The following TMEM9 variants were observed in gnomAD, a reference collection of about 807,000 sequenced individuals.
TMEM9 encodes proton-transporting V-type ATPase complex assembly regulator TMEM9.
In TMEM9, 13 loss-of-function variants were observed where a neutral mutation model predicts 22.8. That is an observed-to-expected ratio of 0.57 (90% CI 0.37 to 0.91). TMEM9 has a LOEUF of 0.91. Among genes scored for constraint, TMEM9 ranks in the 40% least tolerant of loss-of-function variants. The pLI is 0.01. For synonymous variants in TMEM9, 88 were observed against 93.0 expected, an observed-to-expected ratio of 0.95 and a Z score of 0.31; for missense variants, 182 against 238.1, an observed-to-expected ratio of 0.76 and a Z score of 1.55.
intron 4 of TMEM9, among the ~76,000 whole-genome samples, chr1:201,140,951 C>T (rs1664470188): frequency 6.6e-6 from 1 of 152,136 alleles, no homozygotes; most frequent in South Asian, 2.1e-4. Context: ...GATTATCCCT[C>T]GTCGTCCAGG....
chr1:201,150,738 G>T (rs963887795), intron 2 of TMEM9, among the ~76,000 whole-genome samples: 2 of 152,134 alleles, frequency 1.3e-5, no homozygotes, highest in Non-Finnish European at 2.9e-5. Flanking sequence ...GGAAAGAAAG[G>T]TTACTGCCTC....
Position 201,151,772 on chromosome 1 carries a change from G to C in TMEM9, c.147C>G (p.Ser49=), listed in dbSNP as rs759991699. 5 of 1,613,574 alleles carry C rather than the reference G, an allele frequency of 3.1e-6. No individual in the cohort carries two copies. The highest frequency in any genetic ancestry group is 4.2e-6 in the Non-Finnish European group (5 of 1,179,622). Residue 49 remains serine, a synonymous_variant, in exon 2 of 5, where the codon TCC becomes TCG. Coordinates refer to ENST00000367330, the MANE Select transcript of TMEM9 (RefSeq NM_001288565.2). ...ISGHIYNQNV[S]QKDCNCLHVV... is the part of the protein sequence containing the mutation. ...GTGTAATGCCTTACCAGTCCTTCTGGGATACATTCTGGTTGTAAATGTGCC... is the reference window on the plus strand; with the variant it reads ...GTGTAATGCCTTACCAGTCCTTCTGCGATACATTCTGGTTGTAAATGTGCC...
upstream of TMEM9, among the ~76,000 whole-genome samples, chr1:201,159,484 TACACACACACACACACACAC>T (rs60273477): frequency 2.0e-5 from 3 of 147,598 alleles, 1 homozygote; most frequent in South Asian, 4.4e-4. Context: ...TGCCTTTTTA[TACACACACACACACACACAC>T]ACACACACAC....
chr1:201,170,391 T>A (rs769455618), intron 1 of TMEM9, among the ~76,000 whole-genome samples: 7 of 152,186 alleles, frequency 4.6e-5, no homozygotes, highest in Non-Finnish European at 8.8e-5. Context: ...TGACAGCACA[T>A]CAGACTCAAG....
upstream of TMEM9, among the ~76,000 whole-genome samples, chr1:201,157,261 C>T (rs968173413): frequency 7.2e-5 from 11 of 152,164 alleles, no homozygotes; most frequent in Admixed American, 3.3e-4. Flanking sequence ...CAGCTCCCAG[C>T]CCAATCTTTA....
chr1:201,146,075 G>A (rs993076908), intron 3 of TMEM9, among the ~76,000 whole-genome samples: 7 of 152,234 alleles, frequency 4.6e-5, no homozygotes, highest in Non-Finnish European at 8.8e-5. Flanking sequence ...GGGGGCTGGG[G>A]GTCATGACGG....
intron 1 of TMEM9, among the ~76,000 whole-genome samples, chr1:201,162,061 G>T (rs951784781): frequency 6.6e-6 from 1 of 152,140 alleles, no homozygotes. Context: ...TCTACTACAT[G>T]CCAGGAACCT....
intron 1 of TMEM9, among the ~76,000 whole-genome samples, chr1:201,152,161 G>GGGGT (rs1553258140): frequency 4.0e-5 from 6 of 149,960 alleles, no homozygotes; most frequent in African/African-American, 7.3e-5. Flanking sequence ...AGGGGAAATG[G>GGGGT]GTGTGTGTGT....
intron 4 of TMEM9, among the ~76,000 whole-genome samples, chr1:201,142,739 G>A (rs967113058): frequency 1.3e-5 from 2 of 152,254 alleles, no homozygotes; most frequent in African/African-American, 4.8e-5. Context: ...AGAGCTCAGA[G>A]TGGAAGCAGC....
intron 2 of TMEM9, among the ~76,000 whole-genome samples, chr1:201,149,729 G>C (rs1011183588): frequency 6.6e-6 from 1 of 152,216 alleles, no homozygotes; most frequent in African/African-American, 2.4e-5. Context: ...CAACGTGACA[G>C]CAAAGTGAAA....
At chr1:201,153,011 A>G (rs983310595) in intron 1 of TMEM9, among the ~76,000 whole-genome samples, 1 of 152,238 alleles carries the variant, frequency 6.6e-6, no homozygotes, top group Non-Finnish European at 1.5e-5. Context: ...TGGTCCCTCT[A>G]CTGCTTCAGA....
chr1:201,139,555 G>A (rs530456223), intron 4 of TMEM9, among the ~76,000 whole-genome samples: 1 of 152,110 alleles, frequency 6.6e-6, no homozygotes, highest in South Asian at 2.1e-4. Context: ...GACATTCAAG[G>A]GCACTCCCAG....
At position 201,153,899 on chromosome 1, in the gene TMEM9, C is replaced by T. The variant is rs752606855; in HGVS notation, c.25G>A (p.Val9Met). 1 of 1,613,774 alleles carries T rather than the reference C, an allele frequency of 6.2e-7. No individual in the cohort carries two copies. The highest frequency in any genetic ancestry group is 8.5e-7 in the Non-Finnish European group (1 of 1,179,814). The part of the protein sequence containing the change: MKLLSLVA[V>M]VGCLLVPPAE... ...GGGGGCACCAGCAAACACCCGACCA[C>T]AGCCACCAAAGATAAGAGCTTCATG... Residue 9 changes from valine to methionine, a missense_variant, in exon 1 of 5, where the codon GTG (valine) becomes ATG (methionine). By Grantham distance (21) the Val-to-Met change is conservative. Coordinates refer to ENST00000367330, the MANE Select transcript of TMEM9 (RefSeq NM_001288565.2).
rs757410237 is a variant in TMEM9 at position 201,151,836 on chromosome 1, C to T, written c.83G>A (p.Arg28Gln). 6 of 1,613,340 alleles carry T rather than the reference C, an allele frequency of 3.7e-6. No homozygotes were observed. Among genetic ancestry groups the T allele is most frequent in the Non-Finnish European group, 5.1e-6 (6 of 1,179,908 alleles). Reference sequence around the variant, plus strand: ...ATAAGGTGGACAGATGCATTTGCACCGGATATCTTCAGAACTCTGGAAAAG... The same window carrying T: ...ATAAGGTGGACAGATGCATTTGCACTGGATATCTTCAGAACTCTGGAAAAG... ...AEANKSSEDI[R>Q]CKCICPPYRN... The change falls in exon 2 of 5, where the codon CGG (arginine) becomes CAG (glutamine). Residue 28 changes from arginine (R) to glutamine (Q), a missense_variant. Coordinates refer to ENST00000367330, the MANE Select transcript of TMEM9 (RefSeq NM_001288565.2).
chr1:201,161,464 T>C (rs1402160084), intron 1 of TMEM9, among the ~76,000 whole-genome samples: 4 of 152,222 alleles, frequency 2.6e-5, no homozygotes, highest in Non-Finnish European at 5.9e-5. Flanking sequence ...TACTCTATGG[T>C]AGCATTTTTC....
intron 4 of TMEM9, among the ~76,000 whole-genome samples, chr1:201,137,981 A>G (rs886999136): frequency 1.3e-5 from 2 of 152,186 alleles, no homozygotes; most frequent in African/African-American, 4.8e-5. Context: ...GGCCGTCTAC[A>G]TGAGGTGGGC....
chr1:201,143,038 G>A (rs1664664993), intron 4 of TMEM9, among the ~76,000 whole-genome samples: 1 of 152,220 alleles, frequency 6.6e-6, no homozygotes, highest in Non-Finnish European at 1.5e-5. Context: ...TTTAGTATGA[G>A]GATGAATGGG....
upstream of TMEM9, among the ~76,000 whole-genome samples, chr1:201,155,780 C>T (rs866137616): frequency 6.6e-6 from 1 of 152,084 alleles, no homozygotes; most frequent in Non-Finnish European, 1.5e-5. Flanking sequence ...TCAGAAGTCT[C>T]GGTTTCCATG....
intron 3 of TMEM9, chr1:201,144,461 G>C (rs1169983082): frequency 1.8e-5 from 3 of 163,354 alleles, no homozygotes; most frequent in African/African-American, 7.2e-5. Flanking sequence ...CCCCTGAGCA[G>C]AGTGGCTAGG....
Sources: allele counts gnomAD v4.1 joint callset (sites outside exome capture counted in the v4.1 genomes callset), GRCh38; gene constraint gnomAD v4.1.1; transcripts MANE v1.5; gene names NCBI Gene and HGNC (gene_info 2026-07-23, HGNC 2026-07-21).